The following CACNA1C variants were observed in gnomAD, a reference collection of about 807,000 sequenced individuals.
CACNA1C encodes voltage-dependent L-type calcium channel subunit alpha-1C.
In CACNA1C, 30 loss-of-function variants were observed where a neutral mutation model predicts 229.0. The ratio of observed to expected loss-of-function variants is 0.13; its 90% CI spans 0.10 to 0.18. CACNA1C has a LOEUF of 0.18. Ranked by LOEUF, CACNA1C falls within the 10% of genes least tolerant of loss-of-function variation. The probability of loss-of-function intolerance (pLI) is 1.00; values close to 1 mark genes in which losing one functional copy is unlikely to be tolerated. For missense variants in CACNA1C, 1,658 were observed against 2,845.0 expected (o/e 0.58, Z 9.49); for synonymous variants, 1,114 against 1,132.5 (o/e 0.98, Z 0.33).
chr12:2,570,094 TAGA>T (rs2053543224), intron 13 of CACNA1C, among the ~76,000 whole-genome samples: 1 of 152,218 alleles, frequency 6.6e-6, no homozygotes, highest in African/African-American at 2.4e-5. Flanking sequence ...TGATCAACCT[TAGA>T]AGACATATGG....
At chr12:2,536,770 G>A (rs927376281) in intron 9 of CACNA1C, among the ~76,000 whole-genome samples, 2 of 152,024 alleles carry the variant, frequency 1.3e-5, no homozygotes, top group Admixed American at 6.5e-5. Flanking sequence ...TGGAGGCTGC[G>A]GTGAGCCAAG....
intron 13 of CACNA1C, among the ~76,000 whole-genome samples, chr12:2,579,551 C>A (rs1354344053): frequency 2.7e-5 from 4 of 150,352 alleles, no homozygotes; most frequent in African/African-American, 1.0e-4. Context: ...TAACACACCC[C>A]TACTGGTATT....
At chr12:2,385,755 C>T (rs2098371615) in intron 3 of CACNA1C, among the ~76,000 whole-genome samples, 1 of 152,208 alleles carries the variant, frequency 6.6e-6, no homozygotes, top group Non-Finnish European at 1.5e-5. Context: ...TTAACATGGG[C>T]TACAAATAGG....
intron 46 of CACNA1C, 148 bp downstream of exon 46, chr12:2,688,927 G>A (rs1416991708): frequency 2.3e-5 from 16 of 698,552 alleles, no homozygotes; most frequent in Middle Eastern, 4.0e-4. Context: ...AGGGCTGCAG[G>A]AGGGCTCGTG....
intron 3 of CACNA1C, among the ~76,000 whole-genome samples, chr12:2,245,453 G>A (rs535965686): frequency 1.3e-5 from 2 of 152,304 alleles, no homozygotes; most frequent in African/African-American, 2.4e-5. Flanking sequence ...TCTCCTTGCC[G>A]GGAGAGTGTC....
intron 1 of CACNA1C, among the ~76,000 whole-genome samples, chr12:1,999,303 T>G (rs888504045): frequency 2.0e-5 from 3 of 152,202 alleles, no homozygotes; most frequent in African/African-American, 7.2e-5. Context: ...CAAAATCCAT[T>G]ATGGCACAAA....
At chr12:2,518,908 T>C (rs145587880) in intron 9 of CACNA1C, among the ~76,000 whole-genome samples, 8 of 152,304 alleles carry the variant, frequency 5.3e-5, no homozygotes, top group African/African-American at 1.7e-4. Context: ...CTGGAAACTT[T>C]AGTGCTGGAA....
intron 1 of CACNA1C, among the ~76,000 whole-genome samples, chr12:2,073,798 GA>G (rs2062184779): frequency 6.6e-6 from 1 of 152,214 alleles, no homozygotes; most frequent in Non-Finnish European, 1.5e-5. Context: ...TCCTGTGGAT[GA>G]TTTTGCCCAG....
chr12:2,399,066 C>G (rs1341270716), intron 3 of CACNA1C, among the ~76,000 whole-genome samples: 3 of 152,130 alleles, frequency 2.0e-5, no homozygotes, highest in Non-Finnish European at 4.4e-5. Flanking sequence ...GGGGTGGCTC[C>G]TTTGCTCGGC....
At chr12:2,554,189 A>G (rs2042838806) in intron 10 of CACNA1C, among the ~76,000 whole-genome samples, 1 of 152,200 alleles carries the variant, frequency 6.6e-6, no homozygotes, top group Non-Finnish European at 1.5e-5. Context: ...AACTAGGGGA[A>G]AAAAGGAGTT....
At chr12:2,439,888 C>A (rs754544345) in intron 3 of CACNA1C, among the ~76,000 whole-genome samples, 38 of 152,078 alleles carry the variant, frequency 2.5e-4, no homozygotes, top group Non-Finnish European at 4.7e-4. Context: ...CAAGAATGTC[C>A]TGAGTGTAAG....
intron 3 of CACNA1C, among the ~76,000 whole-genome samples, chr12:2,320,028 G>A (rs1339581243): frequency 6.6e-6 from 1 of 152,152 alleles, no homozygotes; most frequent in Non-Finnish European, 1.5e-5. Flanking sequence ...CTGCAGCCAA[G>A]TATTTCCCTT....
At chr12:2,260,475 TAA>T (rs549203538) in intron 3 of CACNA1C, among the ~76,000 whole-genome samples, 1,399 of 100,922 alleles carry the variant, frequency 0.014, 16 homozygotes, top group African/African-American at 0.047. Flanking sequence ...CTGTCTCTAT[TAA>T]AAAAAAAAAA....
intron 13 of CACNA1C, among the ~76,000 whole-genome samples, chr12:2,571,598 A>T (rs2054462935): frequency 6.6e-6 from 1 of 152,210 alleles, no homozygotes; most frequent in African/African-American, 2.4e-5. Flanking sequence ...AACCATTTTT[A>T]AAAATCTATC....
intron 4 of CACNA1C, among the ~76,000 whole-genome samples, chr12:2,452,130 C>T (rs1036252692): frequency 6.6e-6 from 1 of 152,194 alleles, no homozygotes; most frequent in African/African-American, 2.4e-5. Context: ...TCCCACAAAG[C>T]TGGGGGAGCC....
intron 1 of CACNA1C, among the ~76,000 whole-genome samples, chr12:2,055,687 A>G (rs2054431018): frequency 6.6e-6 from 1 of 152,188 alleles, no homozygotes; most frequent in Non-Finnish European, 1.5e-5. Flanking sequence ...CATGCCAGCA[A>G]ACGCTATGGC....
At chr12:2,259,902 C>T (rs2079418464) in intron 3 of CACNA1C, among the ~76,000 whole-genome samples, 1 of 152,122 alleles carries the variant, frequency 6.6e-6, no homozygotes, top group Admixed American at 6.5e-5. Flanking sequence ...TACTTCTGCA[C>T]TCCAGCCTGG....
chr12:2,600,401 C>T (rs925377792), intron 21 of CACNA1C, among the ~76,000 whole-genome samples: 6 of 152,194 alleles, frequency 3.9e-5, no homozygotes, highest in African/African-American at 1.2e-4. Context: ...GCCCATTTCC[C>T]TCTGTGTTTG....
chr12:2,027,412 AGTCTT>A (rs2047520867), intron 1 of CACNA1C, among the ~76,000 whole-genome samples: 1 of 152,200 alleles, frequency 6.6e-6, no homozygotes, highest in South Asian at 2.1e-4. Context: ...AATGCTTAAC[AGTCTT>A]ATCTGCTGAT....
Sources: allele counts gnomAD v4.1 joint callset (sites outside exome capture counted in the v4.1 genomes callset), GRCh38; gene constraint gnomAD v4.1.1; transcripts MANE v1.5; gene names NCBI Gene and HGNC (gene_info 2026-07-23, HGNC 2026-07-21).